Variants in PARG observed in about 807,000 individuals in gnomAD.
The protein encoded by PARG is poly(ADP-ribose) glycohydrolase, also known as mitochondrial poly(ADP-ribose) glycohydrolase.
In PARG, 35 loss-of-function variants were observed where a neutral mutation model predicts 113.0. The observed-to-expected ratio is 0.31, with a 90% CI of 0.24 to 0.41. The LOEUF (loss-of-function observed/expected upper bound fraction) is 0.41, where lower values mean the gene tolerates loss of function less well. PARG is among the 10% of genes least tolerant of loss of function. The pLI, the probability that PARG is intolerant of heterozygous loss-of-function variation, is 1.00. For missense variants in PARG, 797 were observed against 1,169.4 expected, an observed-to-expected ratio of 0.68 and a Z score of 4.64; for synonymous variants, 330 against 409.9, an observed-to-expected ratio of 0.81 and a Z score of 2.36.
intron 7 of PARG, among the ~76,000 whole-genome samples, chr10:49,895,202 C>T (rs1464926646): frequency 6.6e-6 from 1 of 152,144 alleles, no homozygotes; most frequent in Non-Finnish European, 1.5e-5. Flanking sequence ...CAACTCACCA[C>T]ACATACTGTC....
chr10:49,922,659 A>G lies in PARG; in HGVS notation c.1466T>C (p.Leu489Ser). The G allele has an allele frequency of 6.4e-7, 1 of 1,569,142 alleles. No individual in the cohort carries two copies. ...NHTVTIRVDL[L>S]RAGEVPKPFP... ...AGGTTTAGGAACTTCTCCTGCTCGCAAAAGATCTACCTGAAATTGAGGGTA... is the reference window on the plus strand; with the variant it reads ...AGGTTTAGGAACTTCTCCTGCTCGCGAAAGATCTACCTGAAATTGAGGGTA... The change falls in exon 5 of 18, where the codon TTG becomes TCG. Residue 489 changes from leucine (L) to serine (S), a missense_variant. This residue lies in a region of PARG where 252 missense variants were observed against 437.4 expected (regional missense o/e 0.58). Transcript: ENST00000616448.
chr10:49,911,313 A>C (rs2132816400), intron 7 of PARG, among the ~76,000 whole-genome samples: 1 of 152,214 alleles, frequency 6.6e-6, no homozygotes, highest in South Asian at 2.1e-4. Flanking sequence ...AGTATTTAAA[A>C]ATTCCTCCAA....
rs1259621676 is a variant in PARG at position 49,854,866 on chromosome 10, TG to T, written c.2353+2439del. ...GTCATTGAAAAAACAGCAAGAAGGATGAACTGTGATGAAAAGCGAAAATCTG... is the reference window on the plus strand; with the variant it reads ...GTCATTGAAAAAACAGCAAGAAGGATAACTGTGATGAAAAGCGAAAATCTG... On this transcript the variant is annotated intron_variant, in intron 13 of 17. Coordinates refer to ENST00000616448, the MANE Select transcript of PARG (RefSeq NM_003631.5). Among the ~76,000 whole-genome samples the T allele has an allele frequency of 5.3e-5, 8 of 151,380 alleles. No homozygotes were observed. The East Asian group carries it at 1.5e-3, about 29-fold the overall frequency.
chr10:49,843,189 A>G (rs1845331142), intron 14 of PARG, among the ~76,000 whole-genome samples: 1 of 152,256 alleles, frequency 6.6e-6, no homozygotes, highest in Non-Finnish European at 1.5e-5. Flanking sequence ...GAAAAATTAA[A>G]GATAACTTAA....
chr10:49,920,585 C>CACATATATACATATATACGT lies in PARG; in HGVS notation c.1662+1731_1662+1750dup, dbSNP rs1564658840. The stretch of plus-strand genomic sequence containing the variant: ...ACGTATATATACGTGTATATATATA[C>CACATATATACATATATACGT]ACATATATACATATATACGTACATA... On this transcript the variant is annotated intron_variant, in intron 6 of 17. Coordinates refer to ENST00000616448, the MANE Select transcript of PARG (RefSeq NM_003631.5). Among the ~76,000 whole-genome samples, 3 of 136,152 alleles carry CACATATATACATATATACGT rather than the reference C, an allele frequency of 2.2e-5. No individual in the cohort carries two copies. The Admixed American group carries it at 2.3e-4, about 10-fold the overall frequency. The allele number at this position is 136,152 out of a possible 152,430, so 89.3% of individuals were successfully genotyped here.
chr10:49,827,169 G>T (rs567435942), intron 16 of PARG, among the ~76,000 whole-genome samples: 1 of 152,328 alleles, frequency 6.6e-6, no homozygotes, highest in African/African-American at 2.4e-5. Flanking sequence ...TCTTACAAGG[G>T]ACCGAAGTAA....
intron 7 of PARG, among the ~76,000 whole-genome samples, chr10:49,890,354 T>C (rs562932623): frequency 2.6e-5 from 4 of 152,306 alleles, no homozygotes; most frequent in South Asian, 2.1e-4. Context: ...TCAGTCAGGA[T>C]TGATACAATA....
chr10:49,853,633 C>T (rs1845858926), intron 13 of PARG, among the ~76,000 whole-genome samples: 1 of 151,766 alleles, frequency 6.6e-6, no homozygotes, highest in African/African-American at 2.4e-5. Context: ...CTTTCCATTT[C>T]AGTATAATTT....
chr10:49,885,343 A>G, intron 7 of PARG, 48 bp from the exon 8 acceptor site: 2 of 1,119,126 alleles, frequency 1.8e-6, no homozygotes, highest in Non-Finnish European at 2.7e-6. Context: ...ACCAGTAAAT[A>G]TAATAACTAA....
At chr10:49,829,307 A>G (rs1844536634) in intron 16 of PARG, among the ~76,000 whole-genome samples, 1 of 152,106 alleles carries the variant, frequency 6.6e-6, no homozygotes, top group East Asian at 1.9e-4. Flanking sequence ...TGGTCTTACT[A>G]GGCTGACCTT....
rs373159294 is a variant in PARG, at chr10:49,919,400, T to A, written c.1662+2936A>T. ...GCTTCTATGTGAGTTTATAATTTTG[T>A]TTTTAGAGAACAATGGCCAAATAAC... On this transcript the variant is annotated intron_variant, in intron 6 of 17. Transcript: ENST00000616448. Among the ~76,000 whole-genome samples the A allele has an allele frequency of 1.0e-3, 156 of 152,366 alleles. 3 individuals carry two copies. The South Asian group carries it at 0.03, about 29-fold the overall frequency.
chr10:49,879,543 A>G, intron 9 of PARG, 130 bp downstream of exon 9: 1 of 598,020 alleles, frequency 1.7e-6, no homozygotes, highest in East Asian at 2.8e-5. Flanking sequence ...ATGTCACTTA[A>G]GTACTGTAAA....
chr10:49,927,073 T>C (rs568194509), intron 4 of PARG, among the ~76,000 whole-genome samples: 9 of 151,802 alleles, frequency 5.9e-5, no homozygotes, highest in Non-Finnish European at 1.0e-4. Context: ...CTTTGGGAGG[T>C]TGAGGAGGGT....
intron 13 of PARG, among the ~76,000 whole-genome samples, chr10:49,849,295 C>T (rs1388113562): frequency 5.3e-5 from 8 of 152,110 alleles, no homozygotes; most frequent in South Asian, 4.2e-4. Context: ...GATTCTAAAA[C>T]TTGGCAAAAC....
At chr10:49,902,965 T>C (rs1265885980) in intron 7 of PARG, among the ~76,000 whole-genome samples, 1 of 151,980 alleles carries the variant, frequency 6.6e-6, no homozygotes, top group Non-Finnish European at 1.5e-5. Flanking sequence ...CCAGAGAAGC[T>C]GCAACTTACA....
chr10:49,844,754 C>CA (rs1554833039), intron 13 of PARG, among the ~76,000 whole-genome samples: 1 of 151,428 alleles, frequency 6.6e-6, no homozygotes, highest in East Asian at 1.9e-4. Flanking sequence ...CATCTCAAAA[C>CA]AAAAACAAAA....
chr10:49,834,154 ATC>A (rs1484678147), intron 15 of PARG, among the ~76,000 whole-genome samples: 1 of 152,184 alleles, frequency 6.6e-6, no homozygotes, highest in Non-Finnish European at 1.5e-5. Context: ...GCTTCTGAAA[ATC>A]TCTTTCAGGT....
chr10:49,843,436 TTTTTTC>T (rs1845343385), intron 14 of PARG, 112 bp downstream of exon 14: 10 of 703,362 alleles, frequency 1.4e-5, no homozygotes, highest in Non-Finnish European at 2.1e-5. Context: ...ATTTCTTTTC[TTTTTTC>T]TTTTTAAGTT....
intron 6 of PARG, among the ~76,000 whole-genome samples, chr10:49,920,497 TACAC>T (rs1201395602): frequency 0.038 from 2,401 of 62,932 alleles, 132 homozygotes; most frequent in Non-Finnish European, 0.062. Context: ...TATATATATA[TACAC>T]ACACACACAC....
Sources: gnomAD v4.1 joint callset for allele counts (sites outside exome capture counted in the v4.1 genomes callset) on GRCh38, gnomAD v4.1.1 for gene constraint, gnomAD v4.1.1 regional missense constraint, MANE v1.5 for transcripts, NCBI Gene and HGNC (gene_info 2026-07-23, HGNC 2026-07-21) for gene names.